Variants in ST7 observed in about 807,000 individuals in gnomAD.
ST7 encodes suppression of tumorigenicity 7, also known as suppressor of tumorigenicity 7 protein.
Under a neutral mutation model 78.7 loss-of-function variants are expected in ST7, and 28 were observed. The ratio of observed to expected loss-of-function variants is 0.36; its 90% confidence interval spans 0.26 to 0.49. ST7 has a LOEUF of 0.49. Ranked by LOEUF, ST7 falls within the 20% of genes least tolerant of loss-of-function variation. ST7 has a pLI of 0.99. For missense variants in ST7, 418 were observed against 696.0 expected (o/e 0.60, Z 4.49); for synonymous variants, 247 against 249.6 (o/e 0.99, Z 0.10).
At chr7:117,071,520 A>G (rs541350929) in intron 1 of ST7, among the ~76,000 whole-genome samples, 4 of 152,352 alleles carry the variant, frequency 2.6e-5, no homozygotes, top group African/African-American at 9.6e-5. Context: ...TTTATTCTTC[A>G]AAGACACCAT....
intron 15 of ST7, among the ~76,000 whole-genome samples, chr7:117,227,030 C>T (rs3808196): frequency 0.42 from 63,307 of 152,086 alleles, 15,048 homozygotes; most frequent in African/African-American, 0.64. Context: ...AGCTTTCCTC[C>T]TGATTTTCAG....
intron 1 of ST7, among the ~76,000 whole-genome samples, chr7:117,042,658 A>G (rs1030981720): frequency 2.6e-5 from 4 of 152,138 alleles, no homozygotes; most frequent in African/African-American, 9.7e-5. Context: ...TCTTGTAGAC[A>G]TTTTAAATTT....
intron 1 of ST7, among the ~76,000 whole-genome samples, chr7:116,977,119 G>A (rs562412751): frequency 6.6e-6 from 1 of 152,180 alleles, no homozygotes; most frequent in African/African-American, 2.4e-5. Flanking sequence ...AGTAATGTCA[G>A]ATATTCTGAG....
intron 10 of ST7, among the ~76,000 whole-genome samples, chr7:117,183,378 T>C (rs1808944757): frequency 6.6e-6 from 1 of 151,738 alleles, no homozygotes; most frequent in East Asian, 1.9e-4. Context: ...GTGAGGGAGA[T>C]TGTGCTACTG....
chr7:117,214,940 G>A (rs1318385944), intron 13 of ST7, among the ~76,000 whole-genome samples: 3 of 130,460 alleles, frequency 2.3e-5, no homozygotes, highest in Non-Finnish European at 4.4e-5. Flanking sequence ...GTGTGTGTGT[G>A]TGTGTGTGTG....
intron 13 of ST7, among the ~76,000 whole-genome samples, chr7:117,212,383 A>G (rs1183600852): frequency 6.6e-6 from 1 of 152,180 alleles, no homozygotes; most frequent in Non-Finnish European, 1.5e-5. Context: ...CCTTCACTGT[A>G]CTGAACAACA....
In ST7 at chr7:117,220,035, C is replaced by T. The variant is rs561441470; in HGVS notation, c.1498+859C>T. On this transcript the variant is annotated intron_variant, in intron 14 of 15. Coordinates refer to ENST00000323984, the MANE Select transcript of ST7 (RefSeq NM_001369598.1). ...TCTTCTCCCTTCTCTGTCCTCTCTC[C>T]TGCCATCTCTGCCCTTTCACCAGCC... 9.2e-5 allele frequency among the ~76,000 whole-genome samples: 14 copies of T among 152,308 alleles called. No individual in the cohort carries two copies. In the South Asian group the frequency reaches 2.9e-3, roughly 32 times the overall value.
intron 10 of ST7, among the ~76,000 whole-genome samples, chr7:117,178,799 T>C (rs754658241): frequency 1.3e-4 from 20 of 152,220 alleles, no homozygotes; most frequent in Non-Finnish European, 2.5e-4. Flanking sequence ...ACCCATCTAA[T>C]TGACAGTTTT....
At chr7:117,179,384 C>T (rs946007959) in intron 10 of ST7, among the ~76,000 whole-genome samples, 9 of 152,214 alleles carry the variant, frequency 5.9e-5, no homozygotes, top group Non-Finnish European at 1.0e-4. Context: ...ACAGCTTTTA[C>T]TCCTAAATCA....
intron 10 of ST7, among the ~76,000 whole-genome samples, chr7:117,171,675 A>G (rs1808001271): frequency 1.3e-5 from 2 of 151,618 alleles, no homozygotes; most frequent in African/African-American, 2.4e-5. Context: ...TCATTATTTG[A>G]TTAATTGGAC....
intron 1 of ST7, among the ~76,000 whole-genome samples, chr7:117,093,675 T>G (rs1379838677): frequency 1.3e-5 from 2 of 152,094 alleles, no homozygotes; most frequent in Non-Finnish European, 2.9e-5. Flanking sequence ...TACTCCAGCC[T>G]GGGCGACGGA....
At chr7:117,155,669 TG>T (rs1395255376) in intron 9 of ST7, among the ~76,000 whole-genome samples, 1 of 152,222 alleles carries the variant, frequency 6.6e-6, no homozygotes, top group African/African-American at 2.4e-5. Context: ...CCCTTTTAAC[TG>T]GTCTTTCTGC....
intron 10 of ST7, among the ~76,000 whole-genome samples, chr7:117,183,862 C>T (rs1375543296): frequency 1.3e-5 from 2 of 152,136 alleles, no homozygotes; most frequent in Non-Finnish European, 2.9e-5. Context: ...TGTCCTTTAT[C>T]AAGAGGATAG....
intron 1 of ST7, among the ~76,000 whole-genome samples, chr7:116,965,212 C>T (rs938726891): frequency 2.6e-5 from 4 of 151,220 alleles, no homozygotes; most frequent in Non-Finnish European, 4.4e-5. Flanking sequence ...TAGTGGCGGG[C>T]GCCTGTAGTC....
At chr7:117,183,963 A>T (rs1397930012) in intron 10 of ST7, among the ~76,000 whole-genome samples, 1 of 152,254 alleles carries the variant, frequency 6.6e-6, no homozygotes, top group Admixed American at 6.5e-5. Context: ...GATGAATCTC[A>T]AAAACAATGT....
At position 117,129,833 on chromosome 7, in the gene ST7, T is replaced by C. The variant is rs547128860; in HGVS notation, c.435T>C (p.Gly145=). The C allele has an allele frequency of 6.2e-7, 1 of 1,610,164 alleles. No individual in the cohort carries two copies. Among genetic ancestry groups the C allele is most frequent in the Non-Finnish European group, 8.5e-7 (1 of 1,177,942 alleles). The part of the protein sequence containing the change: ...VWRNPLNLFR[G]AEYNRYTWVT... ...GAAATCCACTAAATTTATTTAGGGG[T>C]GCTGAATACAATCGGTAAGCATTTT... is the stretch of plus-strand genomic sequence containing the variant. The change falls in exon 4 of 16, where the codon GGT becomes GGC. Residue 145 remains glycine (G), a synonymous_variant. Transcript: ENST00000323984.
intron 1 of ST7, among the ~76,000 whole-genome samples, chr7:117,011,979 AT>A (rs1041290883): frequency 3.9e-5 from 6 of 152,190 alleles, no homozygotes. Flanking sequence ...CTACTGTGAC[AT>A]TTGGAGAACT....
chr7:117,000,761 T>A (rs1487497125), intron 1 of ST7, among the ~76,000 whole-genome samples: 2 of 152,258 alleles, frequency 1.3e-5, no homozygotes, highest in African/African-American at 4.8e-5. Context: ...GACTTGTTAG[T>A]GCTACTGGCC....
At chr7:117,060,861 C>T (rs1038414286) in intron 1 of ST7, among the ~76,000 whole-genome samples, 1 of 152,070 alleles carries the variant, frequency 6.6e-6, no homozygotes, top group African/African-American at 2.4e-5. Flanking sequence ...CAAAAATTAG[C>T]TGGGTGTGGT....
Sources: allele counts gnomAD v4.1 joint callset (sites outside exome capture counted in the v4.1 genomes callset), GRCh38; gene constraint gnomAD v4.1.1; transcripts MANE v1.5; gene names NCBI Gene and HGNC (gene_info 2026-07-23, HGNC 2026-07-21).